NRXN1: variants seen among roughly 807,000 people sequenced by gnomAD.
NRXN1 encodes the protein neurexin 1, also known as neurexin-1.
A neutral mutation model predicts 150.9 loss-of-function variants in NRXN1; 39 were observed. The ratio of observed to expected loss-of-function variants is 0.26; its 90% CI spans 0.20 to 0.34. The LOEUF (loss-of-function observed/expected upper bound fraction) is 0.34, where lower values mean the gene tolerates loss of function less well. Ranked by LOEUF, NRXN1 falls within the 10% of genes least tolerant of loss-of-function variation. The pLI, the probability that NRXN1 is intolerant of heterozygous loss-of-function variation, is 1.00. For synonymous variants in NRXN1, 924 were observed against 757.0 expected (o/e 1.22, Z -3.62); for missense variants, 1,815 against 1,949.9 (o/e 0.93, Z 1.30).
At position 49,922,806 on chromosome 2, in the gene NRXN1, A is replaced by ATTTT. The variant is rs557703897; in HGVS notation, c.4217-559_4217-556dup. On this transcript the variant is annotated intron_variant, in intron 22 of 22. Coordinates refer to ENST00000401669, the MANE Select transcript of NRXN1 (RefSeq NM_001330078.2). ...CTTTTTAAAGTATAACTTTAGTTACATTTTTATAAATAAAAATAGACTAAT... is the reference window on the plus strand; with the variant it reads ...CTTTTTAAAGTATAACTTTAGTTACATTTTTTTTTATAAATAAAAATAGACTAAT... Among the ~76,000 whole-genome samples, 61 of 152,350 alleles carry ATTTT rather than the reference A, an allele frequency of 4.0e-4. No homozygotes were observed. The South Asian group carries it at 0.012, about 31-fold the overall frequency.
intron 5 of NRXN1, among the ~76,000 whole-genome samples, chr2:50,777,999 A>G (rs1703870283): frequency 6.6e-6 from 1 of 152,208 alleles, no homozygotes; most frequent in Non-Finnish European, 1.5e-5. Context: ...TCTCTGAACA[A>G]GACCTGTGTA....
At chr2:50,675,283 C>G (rs571792025) in intron 5 of NRXN1, among the ~76,000 whole-genome samples, 1 of 152,106 alleles carries the variant, frequency 6.6e-6, no homozygotes, top group African/African-American at 2.4e-5. Context: ...ACTATAAATG[C>G]TATTTGTGAA....
At position 50,206,839 on chromosome 2, in the gene NRXN1, C is replaced by A. The variant is rs191647132; in HGVS notation, c.3546+29950G>T. ...TATATTTTATTTATTATGAATTACACAAACAATGTGTGTGTATATACACAC... is the reference window on the plus strand; with the variant it reads ...TATATTTTATTTATTATGAATTACAAAAACAATGTGTGTGTATATACACAC... On this transcript the variant is annotated intron_variant, in intron 18 of 22. Transcript: ENST00000401669. Among the ~76,000 whole-genome samples the A allele has an allele frequency of 3.1e-4, 47 of 150,138 alleles. No homozygotes were observed. The East Asian group carries it at 8.6e-3, about 28-fold the overall frequency.
chr2:49,956,304 G>A (rs2104504394), intron 21 of NRXN1, among the ~76,000 whole-genome samples: 1 of 152,258 alleles, frequency 6.6e-6, no homozygotes, highest in Admixed American at 6.5e-5. Context: ...AACCAAAGAT[G>A]TTCTATGTTC....
chr2:50,105,761 T>C (rs531165131), intron 18 of NRXN1, among the ~76,000 whole-genome samples: 60 of 152,124 alleles, frequency 3.9e-4, no homozygotes, highest in Non-Finnish European at 5.9e-4. Flanking sequence ...AGGTGTTCCA[T>C]GTGTCATGAT....
At chr2:50,130,011 CAT>C (rs533245003) in intron 18 of NRXN1, among the ~76,000 whole-genome samples, 39 of 152,268 alleles carry the variant, frequency 2.6e-4, no homozygotes, top group Non-Finnish European at 4.9e-4. Flanking sequence ...ATGATCAGCA[CAT>C]GTTATCTCAT....
chr2:50,237,304 A>G (rs1431228754), intron 17 of NRXN1, among the ~76,000 whole-genome samples: 2 of 152,072 alleles, frequency 1.3e-5, no homozygotes, highest in Non-Finnish European at 2.9e-5. Flanking sequence ...AGTTTAGTAG[A>G]AAACATTGAC....
intron 19 of NRXN1, among the ~76,000 whole-genome samples, chr2:50,071,488 C>T (rs901773896): frequency 4.6e-5 from 7 of 151,968 alleles, no homozygotes; most frequent in Non-Finnish European, 1.5e-5. Flanking sequence ...ACTGGACACA[C>T]AAAGAGACAC....
intron 5 of NRXN1, among the ~76,000 whole-genome samples, chr2:50,755,973 A>G (rs1479558324): frequency 1.3e-5 from 2 of 151,812 alleles, no homozygotes; most frequent in Non-Finnish European, 2.9e-5. Flanking sequence ...GAGGTGACAA[A>G]AAGATATCTA....
intron 18 of NRXN1, among the ~76,000 whole-genome samples, chr2:50,231,881 G>A (rs2064976218): frequency 6.6e-6 from 1 of 151,970 alleles, no homozygotes; most frequent in African/African-American, 2.4e-5. Context: ...AAAAACTTGA[G>A]CTAAATTTTT....
chr2:51,022,462 T>C (rs1401032285), intron 2 of NRXN1, among the ~76,000 whole-genome samples: 4 of 152,194 alleles, frequency 2.6e-5, no homozygotes, highest in Non-Finnish European at 4.4e-5. Context: ...TATATTTGAC[T>C]TTATTTGTGG....
intron 8 of NRXN1, among the ~76,000 whole-genome samples, chr2:50,614,815 T>C (rs1678805836): frequency 6.7e-6 from 1 of 149,730 alleles, no homozygotes; most frequent in East Asian, 2.0e-4. Context: ...TTGAGAAGCC[T>C]TCAAAACTTT....
chr2:50,635,260 C>T (rs1334149413), intron 5 of NRXN1, among the ~76,000 whole-genome samples: 1 of 151,854 alleles, frequency 6.6e-6, no homozygotes, highest in East Asian at 1.9e-4. Context: ...CGGGTTCACG[C>T]CATTCTCCTG....
intron 5 of NRXN1, among the ~76,000 whole-genome samples, chr2:50,802,867 G>T (rs2105707016): frequency 6.6e-6 from 1 of 152,210 alleles, no homozygotes; most frequent in East Asian, 1.9e-4. Context: ...TGTAAGTCAA[G>T]AAATGCGGAA....
chr2:50,346,973 G>A lies in NRXN1; in HGVS notation c.3365-110003C>T. Reference sequence around the variant, plus strand: ...ATGGCGGGGCGCCCGCCGAGGGGCAGCCGCCGCGGGAGGCAAAGTTTGGGG... The same window carrying A: ...ATGGCGGGGCGCCCGCCGAGGGGCAACCGCCGCGGGAGGCAAAGTTTGGGG... On this transcript the variant is annotated intron_variant, in intron 17 of 22. Transcript: ENST00000401669. The surrounding 1 kb of genome is among the most constrained non-coding windows in gnomAD (Gnocchi z 5.0). 1 of 1,363,432 alleles carries A rather than the reference G, an allele frequency of 7.3e-7. No individual in the cohort carries two copies. 84.5% of individuals were successfully genotyped at this position (1,363,432 alleles called of 1,614,324 possible). A position where few individuals can be genotyped will look rare whatever the true frequency, so the allele number is the denominator to read the frequency against.
intron 5 of NRXN1, among the ~76,000 whole-genome samples, chr2:50,819,472 T>G (rs1196609699): frequency 1.3e-5 from 2 of 152,048 alleles, no homozygotes; most frequent in Non-Finnish European, 2.9e-5. Context: ...GTACCTAAAA[T>G]GATCAAGTTC....
chr2:50,496,924 A>C (rs1230131738), intron 14 of NRXN1, among the ~76,000 whole-genome samples: 1 of 152,230 alleles, frequency 6.6e-6, no homozygotes, highest in Non-Finnish European at 1.5e-5. Flanking sequence ...ATGAAGTTTG[A>C]GTTAAAAGGG....
intron 17 of NRXN1, among the ~76,000 whole-genome samples, chr2:50,462,652 A>C (rs1414547277): frequency 1.3e-5 from 2 of 151,780 alleles, no homozygotes; most frequent in African/African-American, 4.8e-5. Flanking sequence ...TTAGATGGCA[A>C]TTTTCCGGGG....
chr2:50,570,625 G>C (rs1558952630), intron 8 of NRXN1, among the ~76,000 whole-genome samples: 1 of 152,072 alleles, frequency 6.6e-6, no homozygotes, highest in African/African-American at 2.4e-5. Context: ...ATGTTGACAT[G>C]TGTCTCACTG....
Sources: gnomAD v4.1 joint callset for allele counts (sites outside exome capture counted in the v4.1 genomes callset) on GRCh38, gnomAD v4.1.1 for gene constraint, Gnocchi (gnomAD v3.1) non-coding constraint, MANE v1.5 for transcripts, NCBI Gene and HGNC (gene_info 2026-07-23, HGNC 2026-07-21) for gene names.